Variants in DHRS9 observed in about 807,000 individuals in gnomAD.
DHRS9 encodes the protein dehydrogenase/reductase 9, also known as dehydrogenase/reductase SDR family member 9.
A neutral mutation model predicts 26.6 loss-of-function variants in DHRS9; 18 were observed. The ratio of observed to expected loss-of-function variants is 0.68; its 90% CI spans 0.47 to 1.00. The LOEUF is 1.00. Among genes scored for constraint, DHRS9 ranks in the 50% least tolerant of loss-of-function variants. DHRS9 has a pLI of 0.00. For missense variants in DHRS9, 425 were observed against 378.7 expected (o/e 1.12, Z -1.01); for synonymous variants, 134 against 141.1 (o/e 0.95, Z 0.36).
intron 4 of DHRS9, among the ~76,000 whole-genome samples, chr2:169,095,020 C>A (rs1684649613): frequency 6.6e-6 from 1 of 152,178 alleles, no homozygotes. Context: ...ATTACATCCA[C>A]ACATGCATGC....
chr2:169,072,582 A>C, intron 1 of DHRS9: 2 of 985,352 alleles, frequency 2.0e-6, no homozygotes, highest in Non-Finnish European at 2.4e-6. Context: ...TAGGAAAACA[A>C]ACTCAGGAAG....
chr2:169,094,264 T>G (rs905061248), intron 4 of DHRS9, among the ~76,000 whole-genome samples: 2 of 152,226 alleles, frequency 1.3e-5, no homozygotes, highest in African/African-American at 2.4e-5. Context: ...TCTCTTCCCA[T>G]TTTTAATCAG....
intron 1 of DHRS9, among the ~76,000 whole-genome samples, chr2:169,080,407 G>T (rs1203664006): frequency 1.3e-5 from 2 of 152,204 alleles, no homozygotes; most frequent in Admixed American, 1.3e-4. Context: ...CTCTTGGGCT[G>T]CCCCATCACT....
intron 1 of DHRS9, among the ~76,000 whole-genome samples, chr2:169,079,657 A>C (rs1424904469): frequency 2.6e-5 from 4 of 151,752 alleles, no homozygotes; most frequent in African/African-American, 9.7e-5. Context: ...AGTTCAAGAC[A>C]AGCCTGGCCA....
chr2:169,088,784 C>A (rs1253518350), intron 3 of DHRS9, among the ~76,000 whole-genome samples: 1 of 152,164 alleles, frequency 6.6e-6, no homozygotes, highest in Non-Finnish European at 1.5e-5. Context: ...TTCAACTGGT[C>A]AGTTTGTCAG....
rs755611291 is a variant in DHRS9 at position 169,081,574 on chromosome 2, G to A, written c.-8G>A. The A allele has an allele frequency of 3.7e-6, 6 of 1,612,648 alleles. No individual in the cohort carries two copies. Among genetic ancestry groups the A allele is most frequent in the South Asian group, 3.3e-5 (3 of 90,948 alleles). On this transcript the variant is annotated 5_prime_UTR_variant, in exon 2 of 5. Transcript: ENST00000674881. ...AAAGGAGTGTACCTATCACACACAG[G>A]GGGAAAAATGCTCTTTTGGGTGCTA...
chr2:169,081,788 A>G lies in DHRS9; in HGVS notation c.207A>G (p.Leu69=), dbSNP rs1212441522. ...ACLTESGSTA[L]KAETSERLRT... ...TGACTGAATCAGGATCAACAGCTTTAAAGGCAGAAACCTCAGAGAGACTTC... is the reference window on the plus strand; with the variant it reads ...TGACTGAATCAGGATCAACAGCTTTGAAGGCAGAAACCTCAGAGAGACTTC... Residue 69 remains leucine (L), a synonymous_variant, in exon 2 of 5, where the codon TTA becomes TTG. Coordinates refer to ENST00000674881, the MANE Select transcript of DHRS9 (RefSeq NM_001376924.1). The G allele has an allele frequency of 3.7e-6, 6 of 1,614,216 alleles. No homozygotes were observed. In the South Asian group the frequency reaches 5.5e-5, roughly 15 times the overall value.
chr2:169,084,538 G>A (rs1488246013), intron 3 of DHRS9, among the ~76,000 whole-genome samples: 1 of 152,126 alleles, frequency 6.6e-6, no homozygotes, highest in Non-Finnish European at 1.5e-5. Context: ...CATTTTAACT[G>A]GGGTAAGGTA....
Position 169,081,820 on chromosome 2 carries a change from T to C in DHRS9, c.239T>C (p.Val80Ala), listed in dbSNP as rs1456206523. 6.2e-7 allele frequency: 1 copy of C among 1,614,038 alleles called. No homozygotes were observed. The highest frequency in any genetic ancestry group is 2.2e-5 in the East Asian group (1 of 44,890). Residue 80 changes from valine (V) to alanine (A), a missense_variant, in exon 2 of 5, where the codon GTG (valine) becomes GCG (alanine). Coordinates refer to ENST00000674881, the MANE Select transcript of DHRS9 (RefSeq NM_001376924.1). Reference protein sequence around the residue: ...KAETSERLRTVLLDVTDPENV... With the variant: ...KAETSERLRTALLDVTDPENV... ...GAAACCTCAGAGAGACTTCGTACTG[T>C]GCTTCTGGATGTGACCGACCCAGAG... is the stretch of plus-strand genomic sequence containing the variant.
intron 4 of DHRS9, among the ~76,000 whole-genome samples, chr2:169,092,313 G>T (rs1684555332): frequency 6.6e-6 from 1 of 152,186 alleles, no homozygotes; most frequent in Non-Finnish European, 1.5e-5. Flanking sequence ...TCGAGCCACG[G>T]TCTTCACCTT....
At chr2:169,087,836 C>G (rs969982393) in intron 3 of DHRS9, among the ~76,000 whole-genome samples, 8 of 152,162 alleles carry the variant, frequency 5.3e-5, no homozygotes, top group South Asian at 2.1e-4. Flanking sequence ...GGTGCCCTAT[C>G]CTACTGTGGC....
chr2:169,079,957 GA>G (rs1684111386), intron 1 of DHRS9, among the ~76,000 whole-genome samples: 1 of 89,690 alleles, frequency 1.1e-5, no homozygotes, highest in Non-Finnish European at 2.3e-5. Context: ...GAGAGAGAGA[GA>G]GAGAGAGAGA....
At chr2:169,067,260 A>C, upstream of DHRS9, 1 of 1,535,478 alleles carries the variant, frequency 6.5e-7, no homozygotes. Context: ...CACAGCCTGC[A>C]CACTGGAGTA....
At chr2:169,083,645 T>A (rs575578978) in intron 3 of DHRS9, 58 bp downstream of exon 3, 1 of 1,580,068 alleles carries the variant, frequency 6.3e-7, no homozygotes, top group South Asian at 1.1e-5. Flanking sequence ...TACTGAATGC[T>A]TATGTACAAG....
At chr2:169,074,280 T>A (rs1051546483) in intron 1 of DHRS9, 1 of 985,256 alleles carries the variant, frequency 1.0e-6, no homozygotes, top group Non-Finnish European at 1.2e-6. Flanking sequence ...CTAAGAAAAG[T>A]TAATTTGTCC....
Position 169,081,684 on chromosome 2 carries a change from A to T in DHRS9, c.103A>T (p.Thr35Ser). Residue 35 changes from threonine (T) to serine (S), a missense_variant, in exon 2 of 5, where the codon ACT becomes TCT. Physicochemically the swap from Thr to Ser is moderately conservative, Grantham distance 58. Transcript: ENST00000674881. ...CATCACTGATAAGTACATTTTTATC[A>T]CTGGATGTGACTCGGGCTTTGGAAA... is the stretch of plus-strand genomic sequence containing the variant. Reference protein sequence around the residue: ...EDITDKYIFITGCDSGFGNLA... With the variant: ...EDITDKYIFISGCDSGFGNLA... 6.2e-7 allele frequency: 1 copy of T among 1,614,210 alleles called. No homozygotes were observed. The highest frequency in any genetic ancestry group is 2.2e-5 in the East Asian group (1 of 44,884).
chr2:169,080,292 G>A (rs1360773697), intron 1 of DHRS9, among the ~76,000 whole-genome samples: 1 of 152,182 alleles, frequency 6.6e-6, no homozygotes, highest in Non-Finnish European at 1.5e-5. Context: ...AAGAAAATAA[G>A]GTCTTTCCCA....
chr2:169,078,053 G>C (rs1253153101), intron 1 of DHRS9, among the ~76,000 whole-genome samples: 1 of 152,214 alleles, frequency 6.6e-6, no homozygotes, highest in African/African-American at 2.4e-5. Context: ...GCCCAGCCCA[G>C]AGTGGAGTGC....
At chr2:169,094,669 A>G (rs1170554279) in intron 4 of DHRS9, among the ~76,000 whole-genome samples, 1 of 151,388 alleles carries the variant, frequency 6.6e-6, no homozygotes, top group Non-Finnish European at 1.5e-5. Flanking sequence ...GGTGTGAGCC[A>G]CCATGCCAGG....
Sources: gnomAD v4.1 joint callset for allele counts (sites outside exome capture counted in the v4.1 genomes callset) on GRCh38, gnomAD v4.1.1 for gene constraint, MANE v1.5 for transcripts, NCBI Gene and HGNC (gene_info 2026-07-23, HGNC 2026-07-21) for gene names.